Variants in BCKDHB observed in about 807,000 individuals in gnomAD.
BCKDHB encodes branched chain keto acid dehydrogenase E1 subunit beta, also known as 2-oxoisovalerate dehydrogenase subunit beta, mitochondrial.
BCKDHB carries 41 observed loss-of-function variants against 48.5 expected under a neutral mutation model. The ratio of observed to expected loss-of-function variants is 0.85; its 90% CI spans 0.66 to 1.10. BCKDHB has a LOEUF of 1.10. Among genes scored for constraint, BCKDHB ranks in the 50% least tolerant of loss-of-function variants. BCKDHB has a pLI of 0.00. For synonymous variants in BCKDHB, 201 were observed against 174.8 expected (o/e 1.15, Z -1.18); for missense variants, 496 against 494.2 (o/e 1.00, Z -0.03).
At chr6:80,231,837 C>T (rs1295127825) in intron 8 of BCKDHB, among the ~76,000 whole-genome samples, 2 of 152,110 alleles carry the variant, frequency 1.3e-5, no homozygotes, top group African/African-American at 2.4e-5. Context: ...TGGTGGCACG[C>T]ACCTGTAGTC....
chr6:80,158,359 A>G (rs1484767658), intron 3 of BCKDHB, among the ~76,000 whole-genome samples: 1 of 152,282 alleles, frequency 6.6e-6, no homozygotes. Context: ...GAGTGTTCAG[A>G]ATAATAGGGT....
At chr6:80,168,817 G>A in intron 4 of BCKDHB, 58 bp from the exon 5 acceptor site, 2 of 1,599,302 alleles carry the variant, frequency 1.3e-6, no homozygotes, top group Non-Finnish European at 8.6e-7. Flanking sequence ...AAGAACGGAA[G>A]GAGATTGGAA....
chr6:80,384,752 CAAT>C, the BCKDHB span, among the ~76,000 whole-genome samples: 1 of 152,126 alleles, frequency 6.6e-6, no homozygotes, highest in Non-Finnish European at 1.5e-5. Flanking sequence ...AGTCAATACT[CAAT>C]AAATTCCTCT....
rs545258448 is a variant in BCKDHB, at chr6:80,223,867, G to T, written c.951+20655G>T. Among the ~76,000 whole-genome samples, 332 of 152,302 alleles carry T rather than the reference G, an allele frequency of 2.2e-3. 3 individuals carry two copies. Among genetic ancestry groups the T allele is most frequent in the Middle Eastern group, 0.01 (3 of 294 alleles). ...CTTGGGCTGGTGGTGCCAAAGGGTG[G>T]AGGGGGATTGACTAATCTGTTAAAT... On this transcript the variant is annotated intron_variant, in intron 8 of 9. Transcript: ENST00000320393.
At chr6:80,240,001 T>C (rs1243470840) in intron 8 of BCKDHB, among the ~76,000 whole-genome samples, 1 of 152,244 alleles carries the variant, frequency 6.6e-6, no homozygotes, top group African/African-American at 2.4e-5. Flanking sequence ...TTTTGGTTGC[T>C]GTAGCCTTGT....
At chr6:80,364,469 G>A in the BCKDHB span, among the ~76,000 whole-genome samples, 1 of 152,294 alleles carries the variant, frequency 6.6e-6, no homozygotes, top group East Asian at 1.9e-4. Flanking sequence ...GAGCCATAAA[G>A]TACTGGTGAG....
the BCKDHB span, among the ~76,000 whole-genome samples, chr6:80,447,022 C>G: frequency 6.6e-6 from 1 of 152,072 alleles, no homozygotes; most frequent in East Asian, 1.9e-4. Flanking sequence ...AATGGCAGTG[C>G]TTGTCCAAGA....
At chr6:80,230,679 T>TA (rs2127886314) in intron 8 of BCKDHB, among the ~76,000 whole-genome samples, 2 of 152,294 alleles carry the variant, frequency 1.3e-5, no homozygotes, top group East Asian at 1.9e-4. Context: ...ATTTATTTCT[T>TA]ACGGTTCTGG....
chr6:80,242,796 T>C (rs1014948477), intron 8 of BCKDHB, among the ~76,000 whole-genome samples: 3 of 152,134 alleles, frequency 2.0e-5, no homozygotes, highest in Admixed American at 6.5e-5. Flanking sequence ...CTTTGCTACA[T>C]CTGGGGTATA....
the BCKDHB span, among the ~76,000 whole-genome samples, chr6:80,401,375 C>T: frequency 6.6e-6 from 1 of 151,704 alleles, no homozygotes; most frequent in East Asian, 1.9e-4. Context: ...TGTAGATCCC[C>T]CCGACCCCTT....
At chr6:80,316,773 G>A (rs1340835299) in intron 9 of BCKDHB, among the ~76,000 whole-genome samples, 2 of 152,180 alleles carry the variant, frequency 1.3e-5, no homozygotes, top group African/African-American at 2.4e-5. Flanking sequence ...TTTTGTTACA[G>A]AGCTTTGTGG....
intron 8 of BCKDHB, among the ~76,000 whole-genome samples, chr6:80,256,080 G>C (rs1458626782): frequency 6.6e-6 from 1 of 152,134 alleles, no homozygotes. Flanking sequence ...GATCGTCAAA[G>C]TAGTTGCAAA....
chr6:80,353,924 C>T, the BCKDHB span, among the ~76,000 whole-genome samples: 1 of 152,116 alleles, frequency 6.6e-6, no homozygotes, highest in Non-Finnish European at 1.5e-5. Context: ...TTTTAATTTG[C>T]ATTTCTATGA....
rs762310795 is a variant in BCKDHB, at chr6:80,343,838, C to T, written c.*34C>T. 1.9e-6 allele frequency: 3 copies of T among 1,610,610 alleles called. No homozygotes were observed. The highest frequency in any genetic ancestry group is 2.5e-6 in the Non-Finnish European group (3 of 1,177,024). Reference sequence around the variant, plus strand: ...GTAGGTATGCATCTTGAGAAAGCTACTATGTGCCCCTGACATTAACGTACT... The same window carrying T: ...GTAGGTATGCATCTTGAGAAAGCTATTATGTGCCCCTGACATTAACGTACT... On this transcript the variant is annotated 3_prime_UTR_variant, in exon 10 of 10. Coordinates refer to ENST00000320393, the MANE Select transcript of BCKDHB (RefSeq NM_183050.4).
At chr6:80,186,860 A>G (rs1773666067) in intron 6 of BCKDHB, among the ~76,000 whole-genome samples, 1 of 152,194 alleles carries the variant, frequency 6.6e-6, no homozygotes, top group Admixed American at 6.5e-5. Flanking sequence ...ATGAGATTAA[A>G]TTCTTCTCCT....
intron 9 of BCKDHB, among the ~76,000 whole-genome samples, chr6:80,324,771 G>C (rs1768947233): frequency 1.3e-5 from 2 of 152,118 alleles, no homozygotes; most frequent in African/African-American, 4.8e-5. Flanking sequence ...CTGGGTGACA[G>C]AGCATCTCAA....
chr6:80,163,218 A>G (rs1219079246), intron 3 of BCKDHB, among the ~76,000 whole-genome samples: 1 of 151,662 alleles, frequency 6.6e-6, no homozygotes, highest in Non-Finnish European at 1.5e-5. Context: ...TCTCTCTTTT[A>G]TAGCACCGTT....
chr6:80,285,486 T>G (rs983923919), intron 9 of BCKDHB, among the ~76,000 whole-genome samples: 1 of 150,622 alleles, frequency 6.6e-6, no homozygotes, highest in Non-Finnish European at 1.5e-5. Flanking sequence ...AACAGTAGCA[T>G]GGGTAAATCC....
intron 3 of BCKDHB, among the ~76,000 whole-genome samples, chr6:80,148,412 T>A (rs1236610205): frequency 6.6e-6 from 1 of 152,154 alleles, no homozygotes; most frequent in Admixed American, 6.6e-5. Flanking sequence ...TTCTCTTAGA[T>A]CCTGCTTTTG....
Sources: gnomAD v4.1 joint callset for allele counts (sites outside exome capture counted in the v4.1 genomes callset) on GRCh38, gnomAD v4.1.1 for gene constraint, MANE v1.5 for transcripts, NCBI Gene and HGNC (gene_info 2026-07-23, HGNC 2026-07-21) for gene names.